Variants in ZIM2 observed in about 807,000 individuals in gnomAD.
ZIM2 encodes the protein zinc finger imprinted 2.
In ZIM2, 14 loss-of-function variants were observed where a neutral mutation model predicts 38.6. That is an observed-to-expected ratio of 0.36 (90% CI 0.24 to 0.57). ZIM2 has a LOEUF of 0.57. Ranked by LOEUF, ZIM2 falls within the 20% of genes least tolerant of loss-of-function variation. ZIM2 has a pLI of 0.81. For missense variants in ZIM2, 680 were observed against 695.1 expected (o/e 0.98, Z 0.24); for synonymous variants, 247 against 245.8 (o/e 1.00, Z -0.04).
intron 1 of ZIM2, among the ~76,000 whole-genome samples, chr19:56,837,837 G>T (rs1029920540): frequency 1.3e-5 from 2 of 151,728 alleles, no homozygotes; most frequent in African/African-American, 4.8e-5. Context: ...CCCCGCCACC[G>T]GCCAACACAC....
chr19:56,813,361 C>T (rs2059674602), intron 9 of ZIM2: 1 of 1,141,744 alleles, frequency 8.8e-7, no homozygotes, highest in African/African-American at 1.6e-5. Flanking sequence ...ACACAAGTGT[C>T]ATTTACAGTT....
At chr19:56,820,951 C>G (rs1254538358) in intron 7 of ZIM2, among the ~76,000 whole-genome samples, 1 of 152,216 alleles carries the variant, frequency 6.6e-6, no homozygotes, top group Non-Finnish European at 1.5e-5. Flanking sequence ...CTCCTCCACA[C>G]TCCACCATGT....
intron 2 of ZIM2, chr19:56,833,414 CCT>C (rs1453108394): frequency 5.9e-6 from 2 of 339,140 alleles, no homozygotes; most frequent in African/African-American, 4.3e-5. Flanking sequence ...CATTCTCCTG[CCT>C]CTCTCTGCAG....
chr19:56,799,190 A>C (rs921027142), intron 9 of ZIM2: 5 of 152,222 alleles, frequency 3.3e-5, no homozygotes, highest in African/African-American at 9.6e-5. Flanking sequence ...AAAAACATGG[A>C]ATCAACCTAA....
intron 9 of ZIM2, among the ~76,000 whole-genome samples, chr19:56,806,025 C>A (rs930491415): frequency 7.9e-5 from 12 of 152,030 alleles, no homozygotes; most frequent in African/African-American, 2.9e-4. Flanking sequence ...CAGAGGTGAG[C>A]TTTGTGATGT....
chr19:56,814,247 C>A lies in ZIM2; in HGVS notation c.490+3499G>T. 6.2e-7 allele frequency: 1 copy of A among 1,613,536 alleles called. No homozygotes were observed. The highest frequency in any genetic ancestry group is 1.6e-4 in the Middle Eastern group (1 of 6,062). On this transcript the variant is annotated intron_variant, in intron 9 of 12. Transcript: ENST00000629319. This position sits in a 1 kb window ranked among gnomAD's most constrained non-coding sequence, Gnocchi z 5.8. ...TCCACTTCTGGCTCGGCAGCCTCCA[C>A]TTCTGGCTCAGCAGCCTCTACGTTT...
chr19:56,784,779 A>C (rs1053471319), intron 10 of ZIM2, among the ~76,000 whole-genome samples: 2 of 152,230 alleles, frequency 1.3e-5, no homozygotes, highest in Non-Finnish European at 2.9e-5. Context: ...TTATCTCTAA[A>C]GTCATTTACA....
At chr19:56,787,429 C>T (rs2046668825) in intron 10 of ZIM2, among the ~76,000 whole-genome samples, 1 of 152,098 alleles carries the variant, frequency 6.6e-6, no homozygotes, top group Non-Finnish European at 1.5e-5. Flanking sequence ...GCATGTGCCA[C>T]CACGCCCAGC....
intron 11 of ZIM2, among the ~76,000 whole-genome samples, chr19:56,779,889 G>C (rs962443091): frequency 6.6e-6 from 1 of 152,170 alleles, no homozygotes; most frequent in South Asian, 2.1e-4. Flanking sequence ...TCAACATTAT[G>C]GTTCTTTTCC....
intron 9 of ZIM2, chr19:56,816,325 A>G (rs2059974621): frequency 1.2e-6 from 2 of 1,614,096 alleles, no homozygotes; most frequent in East Asian, 4.5e-5. Flanking sequence ...TCGAGAATGA[A>G]TTTTCTGATG....
At chr19:56,839,229 A>T (rs1396268192) in intron 1 of ZIM2, among the ~76,000 whole-genome samples, 1 of 143,420 alleles carries the variant, frequency 7.0e-6, no homozygotes, top group Non-Finnish European at 1.5e-5. Flanking sequence ...ACCAACCAGG[A>T]CAGCACCTGC....
chr19:56,796,318 G>A (rs537030334), intron 9 of ZIM2, among the ~76,000 whole-genome samples: 6 of 152,260 alleles, frequency 3.9e-5, no homozygotes, highest in African/African-American at 7.2e-5. Flanking sequence ...TCATTCTTGC[G>A]GATTTGACAG....
At chr19:56,792,417 G>T (rs1310014113) in intron 9 of ZIM2, among the ~76,000 whole-genome samples, 3 of 150,542 alleles carry the variant, frequency 2.0e-5, no homozygotes, top group Non-Finnish European at 4.4e-5. Flanking sequence ...TGGAATTCTA[G>T]CTACTCGGGA....
At chr19:56,803,821 T>C (rs542029972) in intron 9 of ZIM2, among the ~76,000 whole-genome samples, 31 of 152,296 alleles carry the variant, frequency 2.0e-4, no homozygotes, top group African/African-American at 6.7e-4. Flanking sequence ...GTCCTGCTCT[T>C]TTAACCCCAG....
intron 9 of ZIM2, among the ~76,000 whole-genome samples, chr19:56,802,503 A>C (rs988964525): frequency 3.9e-5 from 6 of 152,190 alleles, no homozygotes; most frequent in African/African-American, 1.4e-4. Flanking sequence ...AATCAAATGG[A>C]AAATACCAAT....
chr19:56,816,263 G>T (rs764313140), intron 9 of ZIM2: 5 of 1,613,656 alleles, frequency 3.1e-6, no homozygotes, highest in Non-Finnish European at 4.2e-6. Flanking sequence ...TCAGTGAATG[G>T]CCCACTATGA....
At chr19:56,803,781 T>C (rs2086722451) in intron 9 of ZIM2, among the ~76,000 whole-genome samples, 2 of 152,178 alleles carry the variant, frequency 1.3e-5, no homozygotes, top group Admixed American at 1.3e-4. Flanking sequence ...AAGGTCACAT[T>C]CCAAATGCCA....
At chr19:56,782,336 CT>C in intron 10 of ZIM2, 5 of 579,484 alleles carry the variant, frequency 8.6e-6, no homozygotes. Flanking sequence ...GGGAAATATC[CT>C]TTTAAGCCAC....
intron 3 of ZIM2, among the ~76,000 whole-genome samples, chr19:56,825,207 A>T (rs2060902832): frequency 6.6e-6 from 1 of 152,250 alleles, no homozygotes; most frequent in South Asian, 2.1e-4. Context: ...GAGTTGGGGC[A>T]AATCCTCCCC....
Sources: gnomAD v4.1 joint callset for allele counts (sites outside exome capture counted in the v4.1 genomes callset) on GRCh38, gnomAD v4.1.1 for gene constraint, Gnocchi (gnomAD v3.1) non-coding constraint, MANE v1.5 for transcripts, NCBI Gene and HGNC (gene_info 2026-07-23, HGNC 2026-07-21) for gene names.